CROCC: variants seen among roughly 807,000 people sequenced by gnomAD.
CROCC encodes ciliary rootlet coiled-coil, rootletin.
In CROCC, 180 loss-of-function variants were observed where a neutral mutation model predicts 245.2. That is an observed-to-expected ratio of 0.73 (90% CI 0.65 to 0.83). CROCC has a LOEUF of 0.83. Ranked by LOEUF, CROCC falls within the 40% of genes least tolerant of loss-of-function variation. The pLI is 0.00. For synonymous variants in CROCC, 1,205 were observed against 1,241.6 expected, an observed-to-expected ratio of 0.97 and a Z score of 0.62; for missense variants, 2,688 against 2,779.4, an observed-to-expected ratio of 0.97 and a Z score of 0.74.
intron 8 of CROCC, among the ~76,000 whole-genome samples, chr1:16,934,868 C>T (rs2075754140): frequency 6.7e-6 from 1 of 149,622 alleles, no homozygotes; most frequent in Non-Finnish European, 1.5e-5. Flanking sequence ...ACCAAGTTAC[C>T]ATGAGAAGCA....
chr1:16,963,899 G>T (rs142234235), intron 27 of CROCC, among the ~76,000 whole-genome samples: 8,367 of 151,934 alleles, frequency 0.055, 294 homozygotes, highest in African/African-American at 0.087. Context: ...GGGTTCAAGC[G>T]ATTCTCCTGC....
intron 1 of CROCC, among the ~76,000 whole-genome samples, chr1:16,915,163 G>T (rs1252602514): frequency 6.6e-6 from 1 of 152,288 alleles, no homozygotes; most frequent in Non-Finnish European, 1.5e-5. Context: ...CTGGGATGCG[G>T]CAGATGCTGG....
intron 14 of CROCC, 59 bp downstream of exon 14, chr1:16,944,341 A>G (rs1024001341): frequency 1.5e-4 from 215 of 1,459,682 alleles, no homozygotes; most frequent in Middle Eastern, 3.9e-4. Flanking sequence ...GTCCCCTGAC[A>G]GTGCCCCCCT....
chr1:16,969,907 C>G lies in CROCC; in HGVS notation c.5424C>G (p.Ala1808=). The change falls in exon 33 of 37, where the codon GCC becomes GCG. Residue 1808 remains alanine, a synonymous_variant. Coordinates refer to ENST00000375541, the MANE Select transcript of CROCC (RefSeq NM_014675.5). ...VADLELQRVE[A]EGQLQQLREV... is the part of the protein sequence containing the mutation. The stretch of plus-strand genomic sequence containing the variant: ...ACCTGGAACTGCAGCGGGTGGAGGC[C>G]GAGGGCCAGCTACAACAGCTACGGG... 6.2e-7 allele frequency: 1 copy of G among 1,605,290 alleles called. No homozygotes were observed.
chr1:16,972,126 A>G (rs540068081), intron 36 of CROCC, among the ~76,000 whole-genome samples: 1 of 152,286 alleles, frequency 6.6e-6, no homozygotes, highest in Non-Finnish European at 1.5e-5. Flanking sequence ...CACCCAAGTG[A>G]TGATGGGGAT....
intron 8 of CROCC, among the ~76,000 whole-genome samples, chr1:16,931,861 A>AT (rs1435881337): frequency 6.6e-6 from 1 of 152,186 alleles, no homozygotes; most frequent in Non-Finnish European, 1.5e-5. Context: ...GGTTCAAGCA[A>AT]TTCTCCTGCC....
At chr1:16,932,285 A>T (rs1190494599) in intron 8 of CROCC, among the ~76,000 whole-genome samples, 2 of 152,232 alleles carry the variant, frequency 1.3e-5, no homozygotes, top group Non-Finnish European at 2.9e-5. Context: ...TACTAAAAAT[A>T]CAAAATTAGC....
chr1:16,941,711 G>C (rs1323277038), intron 13 of CROCC, among the ~76,000 whole-genome samples: 1 of 149,818 alleles, frequency 6.7e-6, no homozygotes, highest in South Asian at 2.1e-4. Context: ...CAGCCTGAGC[G>C]ACAGAGCAAG....
Position 16,961,051 on chromosome 1 carries a change from G to GGGCCTC in CROCC, c.4335_4340dup (p.Leu1446_Gly1447dup). On this transcript the variant is annotated inframe_insertion, in exon 27 of 37. Transcript: ENST00000375541. ...GTGGCCTGCGCTCGGCTCTGCGCCG[G>GGGCCTC]GGCCTCGGCCTCGGTCGCGCGCCCA... The GGGCCTC allele has an allele frequency of 2.3e-6, 3 of 1,333,182 alleles. No homozygotes were observed. The highest frequency in any genetic ancestry group is 1.9e-5 in the South Asian group (1 of 51,886). The allele number at this position is 1,333,182 out of a possible 1,614,324, so 82.6% of individuals were successfully genotyped here.
rs1296188489 is a variant in CROCC at position 16,948,865 on chromosome 1, C to T, written c.2775C>T (p.Ala925=). The change falls in exon 19 of 37, where the codon GCC becomes GCT. Residue 925 remains alanine, a synonymous_variant. Coordinates refer to ENST00000375541, the MANE Select transcript of CROCC (RefSeq NM_014675.5). ...EVQRQLAQLE[A]RREQLEAEGQ... is the part of the protein sequence containing the mutation. ...AACGGCAGCTGGCCCAGCTTGAGGC[C>T]CGCCGGGAGCAGCTGGAAGCCGAGG... is the stretch of plus-strand genomic sequence containing the variant. 1 of 1,611,220 alleles carries T rather than the reference C, an allele frequency of 6.2e-7. No individual in the cohort carries two copies. The highest frequency in any genetic ancestry group is 1.7e-5 in the Admixed American group (1 of 60,002).
intron 17 of CROCC, among the ~76,000 whole-genome samples, chr1:16,947,958 C>T (rs1444334500): frequency 2.6e-5 from 4 of 152,262 alleles, no homozygotes; most frequent in South Asian, 2.1e-4. Flanking sequence ...CCTGCCTCAG[C>T]GTCCCAAGTA....
chr1:16,971,389 G>A (rs745360626), intron 35 of CROCC, 76 bp from the exon 36 acceptor site: 4 of 1,448,902 alleles, frequency 2.8e-6, no homozygotes, highest in Admixed American at 4.7e-5. Context: ...TCCCAGGGAG[G>A]TACCTGACAA....
chr1:16,952,302 G>T lies in CROCC; in HGVS notation c.3007-1000G>T, dbSNP rs573820724. ...GATCGAGACCATCCTGGCTAACACA[G>T]TGAAACCCCATCTCTACTAAAAATC... On this transcript the variant is annotated intron_variant, in intron 20 of 36. Transcript: ENST00000375541. Among the ~76,000 whole-genome samples, 3 of 151,934 alleles carry T rather than the reference G, an allele frequency of 2.0e-5. No homozygotes were observed. In the South Asian group the frequency reaches 6.2e-4, roughly 32 times the overall value.
At chr1:16,919,354 C>T (rs2075356831), upstream of CROCC, among the ~76,000 whole-genome samples, 3 of 152,252 alleles carry the variant, frequency 2.0e-5, no homozygotes, top group Admixed American at 6.5e-5. Flanking sequence ...GGTGAGAGCC[C>T]AATGTCTCTG....
intron 1 of CROCC, among the ~76,000 whole-genome samples, chr1:16,914,943 G>A (rs1355733083): frequency 6.6e-6 from 1 of 152,230 alleles, no homozygotes; most frequent in East Asian, 1.9e-4. Context: ...TCTTTCGCTG[G>A]GCTCACAGCA....
At chr1:16,946,084 C>T (rs2076038642) in intron 15 of CROCC, among the ~76,000 whole-genome samples, 175 bp from the exon 16 acceptor site, 1 of 152,266 alleles carries the variant, frequency 6.6e-6, no homozygotes, top group Non-Finnish European at 1.5e-5. Flanking sequence ...TTTTAAATGG[C>T]TCATAAGCAG....
intron 36 of CROCC, 64 bp downstream of exon 36, chr1:16,971,711 A>T: frequency 7.2e-7 from 1 of 1,395,718 alleles, no homozygotes; most frequent in Non-Finnish European, 9.4e-7. Context: ...AAGAGGAGAG[A>T]CCCAATCAAG....
chr1:16,941,958 TC>T, intron 13 of CROCC, among the ~76,000 whole-genome samples: 1 of 152,348 alleles, frequency 6.6e-6, no homozygotes, highest in South Asian at 2.1e-4. Context: ...TGCCTCGGCC[TC>T]CAAAAATGCT....
rs2076236792 is a variant in CROCC, at chr1:16,955,533, A to C, written c.3687A>C (p.Ala1229=). 6.4e-7 allele frequency: 1 copy of C among 1,552,284 alleles called. No homozygotes were observed. The highest frequency in any genetic ancestry group is 8.7e-7 in the Non-Finnish European group (1 of 1,153,360). The change falls in exon 24 of 37, where the codon GCA becomes GCC. Residue 1229 remains alanine (A), a synonymous_variant. Transcript: ENST00000375541. The part of the protein sequence containing the change: ...NEELRSAVKK[A]ESERISLKLA... ...AGCTTCGGTCTGCTGTGAAGAAGGC[A>C]GAGAGCGAGCGCATCAGGTGGGGTG...
Sources: allele counts gnomAD v4.1 joint callset (sites outside exome capture counted in the v4.1 genomes callset), GRCh38; gene constraint gnomAD v4.1.1; transcripts MANE v1.5; gene names NCBI Gene and HGNC (gene_info 2026-07-23, HGNC 2026-07-21).